SEMA5A: variants seen among roughly 807,000 people sequenced by gnomAD.
SEMA5A encodes semaphorin-5A.
A neutral mutation model predicts 135.5 loss-of-function variants in SEMA5A; 55 were observed. The observed-to-expected ratio is 0.41, with a 90% CI of 0.33 to 0.51. The LOEUF is 0.51. Ranked by LOEUF, SEMA5A falls within the 20% of genes least tolerant of loss-of-function variation. The pLI is 0.37. For synonymous variants in SEMA5A, 580 were observed against 546.5 expected, an observed-to-expected ratio of 1.06 and a Z score of -0.85; for missense variants, 1,290 against 1,419.9, an observed-to-expected ratio of 0.91 and a Z score of 1.47.
chr5:9,191,643 G>C (rs1365975952), intron 10 of SEMA5A, among the ~76,000 whole-genome samples: 1 of 152,144 alleles, frequency 6.6e-6, no homozygotes, highest in Non-Finnish European at 1.5e-5. Context: ...TGAGATATTT[G>C]TATAGCATTT....
chr5:9,212,983 C>T (rs534577672), intron 8 of SEMA5A, among the ~76,000 whole-genome samples: 11 of 152,178 alleles, frequency 7.2e-5, no homozygotes, highest in Non-Finnish European at 1.5e-4. Flanking sequence ...AGTCTATGAT[C>T]CAGGCACCAG....
chr5:9,205,732 C>T (rs372738852), intron 8 of SEMA5A, among the ~76,000 whole-genome samples: 6 of 152,196 alleles, frequency 3.9e-5, no homozygotes, highest in Admixed American at 1.3e-4. Context: ...TTCTCTAATT[C>T]ACCACACAGT....
chr5:9,516,287 C>A (rs1423905645), intron 1 of SEMA5A, among the ~76,000 whole-genome samples: 6 of 152,146 alleles, frequency 3.9e-5, no homozygotes, highest in African/African-American at 1.2e-4. Flanking sequence ...CGTATACACA[C>A]ACACCACACA....
At chr5:9,309,076 T>A (rs1442452971) in intron 5 of SEMA5A, among the ~76,000 whole-genome samples, 1 of 152,152 alleles carries the variant, frequency 6.6e-6, no homozygotes, top group Non-Finnish European at 1.5e-5. Context: ...AGTGGAAGGA[T>A]GATGCATATT....
intron 18 of SEMA5A, among the ~76,000 whole-genome samples, chr5:9,055,076 C>A (rs1253323155): frequency 1.3e-5 from 2 of 152,160 alleles, no homozygotes; most frequent in Non-Finnish European, 2.9e-5. Flanking sequence ...ACCTGTAGAC[C>A]CGCCTGCTGA....
At chr5:9,303,262 G>T (rs761197914) in intron 5 of SEMA5A, among the ~76,000 whole-genome samples, 2 of 151,700 alleles carry the variant, frequency 1.3e-5, no homozygotes, top group Non-Finnish European at 2.9e-5. Flanking sequence ...GAATACAGGC[G>T]CCCACCACCA....
intron 2 of SEMA5A, among the ~76,000 whole-genome samples, chr5:9,421,677 C>G (rs934774728): frequency 2.0e-5 from 3 of 152,106 alleles, no homozygotes; most frequent in Admixed American, 6.5e-5. Flanking sequence ...GCATCCTTAC[C>G]TGTCATGGGT....
chr5:9,122,812 T>C lies in SEMA5A; in HGVS notation c.1625A>G (p.His542Arg). Residue 542 changes from histidine (H) to arginine (R), a missense_variant, in exon 14 of 23, where the codon CAC becomes CGC. By Grantham distance (29) the His-to-Arg change is conservative. Around this residue, in one of 3 missense-constraint regions of SEMA5A, gnomAD observed 1,029 missense variants for 1,086.6 expected, o/e 0.95. Transcript: ENST00000382496. Reference sequence around the variant, plus strand: ...CGTCCACGGAGACCACACACCAAAGTGCCCATCCACGGTGAGATTCCTGGT... The same window carrying C: ...CGTCCACGGAGACCACACACCAAAGCGCCCATCCACGGTGAGATTCCTGGT... Reference protein sequence around the residue: ...CPTRNLTVDGHFGVWSPWTPC... With the variant: ...CPTRNLTVDGRFGVWSPWTPC... 6.2e-7 allele frequency: 1 copy of C among 1,605,762 alleles called. No individual in the cohort carries two copies. Among genetic ancestry groups the C allele is most frequent in the Non-Finnish European group, 8.5e-7 (1 of 1,175,074 alleles).
chr5:9,333,476 A>G (rs2150708971), intron 4 of SEMA5A, among the ~76,000 whole-genome samples: 1 of 152,352 alleles, frequency 6.6e-6, no homozygotes, highest in East Asian at 1.9e-4. Context: ...CCTTAGAATG[A>G]ACCTGAAACA....
chr5:9,224,606 T>C, intron 8 of SEMA5A, 68 bp downstream of exon 8: 1 of 1,460,884 alleles, frequency 6.8e-7, no homozygotes, highest in Non-Finnish European at 9.6e-7. Flanking sequence ...GTAGTTTGCT[T>C]TTGAGCACCA....
intron 5 of SEMA5A, among the ~76,000 whole-genome samples, chr5:9,299,128 G>A (rs1327740862): frequency 6.6e-6 from 1 of 152,022 alleles, no homozygotes; most frequent in East Asian, 1.9e-4. Flanking sequence ...AGAAGAAGGG[G>A]GCATCTTTAC....
intron 1 of SEMA5A, among the ~76,000 whole-genome samples, chr5:9,532,351 C>T (rs1156383706): frequency 2.0e-5 from 3 of 151,000 alleles, no homozygotes; most frequent in African/African-American, 7.3e-5. Flanking sequence ...CTGCAACCTC[C>T]GCTTCCTGGG....
At chr5:9,316,846 A>G (rs1322758973) in intron 5 of SEMA5A, among the ~76,000 whole-genome samples, 1 of 152,152 alleles carries the variant, frequency 6.6e-6, no homozygotes, top group Non-Finnish European at 1.5e-5. Flanking sequence ...TTTCAAGCAC[A>G]TAGTACATTG....
chr5:9,371,076 A>C (rs1755116441), intron 3 of SEMA5A, among the ~76,000 whole-genome samples: 1 of 152,184 alleles, frequency 6.6e-6, no homozygotes, highest in Non-Finnish European at 1.5e-5. Context: ...CCCAGTTTTA[A>C]CTCAATCAAA....
At chr5:9,108,014 G>T in intron 16 of SEMA5A, 126 bp downstream of exon 16, 1 of 1,218,472 alleles carries the variant, frequency 8.2e-7, no homozygotes, top group Non-Finnish European at 1.1e-6. Flanking sequence ...TTTGTGCAGA[G>T]CCTCTAGTGT....
intron 5 of SEMA5A, among the ~76,000 whole-genome samples, chr5:9,266,674 A>G (rs1304137291): frequency 1.3e-5 from 2 of 152,214 alleles, no homozygotes; most frequent in Non-Finnish European, 2.9e-5. Flanking sequence ...TTGATGGGAC[A>G]AAGTAAGCAT....
intron 3 of SEMA5A, among the ~76,000 whole-genome samples, chr5:9,350,557 G>A (rs1754068663): frequency 6.6e-6 from 1 of 152,176 alleles, no homozygotes; most frequent in African/African-American, 2.4e-5. Context: ...GCTGCATCTG[G>A]TTGACTTCAG....
intron 4 of SEMA5A, among the ~76,000 whole-genome samples, chr5:9,326,537 AG>A (rs1752884897): frequency 1.3e-5 from 2 of 150,998 alleles, no homozygotes; most frequent in South Asian, 2.2e-4. Context: ...TACAGGCATG[AG>A]GGAGGCCGAA....
intron 17 of SEMA5A, among the ~76,000 whole-genome samples, chr5:9,064,850 A>C (rs1429068152): frequency 1.3e-5 from 2 of 152,250 alleles, no homozygotes; most frequent in Admixed American, 6.5e-5. Context: ...AACTTCTAAA[A>C]GATAACTGAA....
Sources: allele counts gnomAD v4.1 joint callset (sites outside exome capture counted in the v4.1 genomes callset), GRCh38; gene constraint gnomAD v4.1.1; regional missense constraint gnomAD v4.1.1; transcripts MANE v1.5; gene names NCBI Gene and HGNC (gene_info 2026-07-23, HGNC 2026-07-21).